The following FRMD4A variants were observed in gnomAD, a reference collection of about 807,000 sequenced individuals.
FRMD4A encodes the protein FERM domain containing 4A.
Under a neutral mutation model 129.1 loss-of-function variants are expected in FRMD4A, and 29 were observed. That is an observed-to-expected ratio of 0.22 (90% CI 0.17 to 0.31). The LOEUF is 0.31. Among genes scored for constraint, FRMD4A ranks in the 10% least tolerant of loss-of-function variants. The pLI, the probability that FRMD4A is intolerant of heterozygous loss-of-function variation, is 1.00. For missense variants in FRMD4A, 1,272 were observed against 1,375.8 expected, an observed-to-expected ratio of 0.92 and a Z score of 1.19; for synonymous variants, 634 against 571.6, an observed-to-expected ratio of 1.11 and a Z score of -1.56.
intron 2 of FRMD4A, among the ~76,000 whole-genome samples, chr10:14,030,106 G>A (rs1833167451): frequency 6.6e-6 from 1 of 152,188 alleles, no homozygotes; most frequent in Admixed American, 6.5e-5. Context: ...TGGAGGAGGG[G>A]GAAATGGGGA....
intron 2 of FRMD4A, among the ~76,000 whole-genome samples, chr10:14,235,437 C>T (rs927226274): frequency 5.3e-5 from 8 of 152,048 alleles, no homozygotes; most frequent in Admixed American, 4.6e-4. Flanking sequence ...CGTGAGCCAC[C>T]GCGCCCGGCC....
At chr10:13,685,532 C>T (rs1186625679) in intron 15 of FRMD4A, 3 of 985,028 alleles carry the variant, frequency 3.0e-6, no homozygotes, top group Non-Finnish European at 3.6e-6. Context: ...TATTGCAATA[C>T]CAACGTTTGC....
chr10:14,038,149 C>T (rs1038739514), intron 2 of FRMD4A, among the ~76,000 whole-genome samples: 3 of 152,072 alleles, frequency 2.0e-5, no homozygotes, highest in Non-Finnish European at 2.9e-5. Flanking sequence ...AGTGAAACCC[C>T]GTCTCTAATA....
chr10:13,793,691 C>G (rs1043944921), intron 5 of FRMD4A, among the ~76,000 whole-genome samples: 1 of 152,168 alleles, frequency 6.6e-6, no homozygotes, highest in African/African-American at 2.4e-5. Flanking sequence ...AGGTACCCAG[C>G]TGGACAGAAG....
chr10:14,008,148 A>G (rs1351280050), intron 2 of FRMD4A: 1 of 1,267,630 alleles, frequency 7.9e-7, no homozygotes, highest in East Asian at 5.9e-5. Context: ...AGCCTGAACC[A>G]CCATGGTGTA....
chr10:13,923,193 T>C (rs1028100797), intron 2 of FRMD4A, among the ~76,000 whole-genome samples: 1 of 152,196 alleles, frequency 6.6e-6, no homozygotes, highest in African/African-American at 2.4e-5. Flanking sequence ...TTTGTTTGAA[T>C]CTTAGAAGCA....
At chr10:13,919,205 ACTC>A (rs556137061) in intron 2 of FRMD4A, among the ~76,000 whole-genome samples, 6 of 152,050 alleles carry the variant, frequency 3.9e-5, no homozygotes, top group African/African-American at 1.2e-4. Flanking sequence ...TAAAAAGAAA[ACTC>A]CTGCTCAAGC....
chr10:14,051,865 T>C (rs942458838), intron 2 of FRMD4A, among the ~76,000 whole-genome samples: 1 of 152,200 alleles, frequency 6.6e-6, no homozygotes, highest in African/African-American at 2.4e-5. Flanking sequence ...GGCATTGCAT[T>C]TGCATGGCAT....
chr10:13,849,482 A>ATT (rs143466300), intron 3 of FRMD4A, among the ~76,000 whole-genome samples: 9 of 141,834 alleles, frequency 6.3e-5, no homozygotes, highest in African/African-American at 2.1e-4. Flanking sequence ...AATCTCCTGC[A>ATT]TTTTTTTTTT....
intron 2 of FRMD4A, among the ~76,000 whole-genome samples, chr10:14,195,192 G>A (rs1564378601): frequency 6.6e-6 from 1 of 152,118 alleles, no homozygotes; most frequent in African/African-American, 2.4e-5. Context: ...TAGGCTAGAT[G>A]TCCTAATTCT....
In FRMD4A at chr10:13,853,149, C is replaced by T. The variant is rs192844230; in HGVS notation, c.111+5698G>A. 3.3e-5 allele frequency among the ~76,000 whole-genome samples: 5 copies of T among 152,226 alleles called. No individual in the cohort carries two copies. The South Asian group carries it at 6.2e-4, about 19-fold the overall frequency. On this transcript the variant is annotated intron_variant, in intron 3 of 24. Coordinates refer to ENST00000357447, the MANE Select transcript of FRMD4A (RefSeq NM_018027.5). ...ACTTGGAAAGGAGACTCACATCATG[C>T]GGCAGCTCCCTGGAGAAAGCAAGGT...
intron 2 of FRMD4A, among the ~76,000 whole-genome samples, chr10:13,988,443 C>T (rs993740572): frequency 6.6e-6 from 1 of 152,186 alleles, no homozygotes; most frequent in Non-Finnish European, 1.5e-5. Context: ...CTTCCTTTCT[C>T]TCTTATGATC....
At chr10:13,791,912 C>T (rs570885702) in intron 5 of FRMD4A, among the ~76,000 whole-genome samples, 3 of 152,160 alleles carry the variant, frequency 2.0e-5, no homozygotes, top group Non-Finnish European at 4.4e-5. Flanking sequence ...TACCTTCCGG[C>T]GGGTCTCCAC....
chr10:14,174,047 T>G (rs1841606429), intron 2 of FRMD4A, among the ~76,000 whole-genome samples: 1 of 152,084 alleles, frequency 6.6e-6, no homozygotes, highest in Non-Finnish European at 1.5e-5. Context: ...CCTTCCATGG[T>G]GGCAGAATCC....
chr10:13,936,146 C>T (rs1417883644), intron 2 of FRMD4A, among the ~76,000 whole-genome samples: 6 of 152,168 alleles, frequency 3.9e-5, no homozygotes, highest in East Asian at 3.9e-4. Context: ...GGTGCTGGCA[C>T]ACAAGTAACC....
At chr10:13,686,094 C>G (rs1048012221) in intron 15 of FRMD4A, among the ~76,000 whole-genome samples, 3 of 152,110 alleles carry the variant, frequency 2.0e-5, no homozygotes, top group Admixed American at 2.0e-4. Flanking sequence ...CATAAACAAA[C>G]CCTGGCACAA....
intron 3 of FRMD4A, among the ~76,000 whole-genome samples, chr10:13,830,292 A>G (rs569614036): frequency 6.6e-6 from 1 of 152,318 alleles, no homozygotes; most frequent in Admixed American, 6.5e-5. Flanking sequence ...CACAGGCACA[A>G]AAGAGATTTT....
intron 2 of FRMD4A, among the ~76,000 whole-genome samples, chr10:13,958,604 T>C (rs1447135761): frequency 1.8e-4 from 24 of 131,730 alleles, no homozygotes; most frequent in African/African-American, 2.5e-4. Flanking sequence ...TTCTTTCTTT[T>C]TTTTTTTCCC....
intron 13 of FRMD4A, among the ~76,000 whole-genome samples, chr10:13,706,808 ACAGT>A (rs1183189416): frequency 2.7e-5 from 4 of 150,936 alleles, no homozygotes; most frequent in South Asian, 2.1e-4. Flanking sequence ...GCCAGATGAG[ACAGT>A]CAGGGGATTG....
Sources: allele counts gnomAD v4.1 joint callset (sites outside exome capture counted in the v4.1 genomes callset), GRCh38; gene constraint gnomAD v4.1.1; transcripts MANE v1.5; gene names NCBI Gene and HGNC (gene_info 2026-07-23, HGNC 2026-07-21).